CDK6: variants seen among roughly 807,000 people sequenced by gnomAD.
The protein encoded by CDK6 is cyclin-dependent kinase 6.
In CDK6, 6 loss-of-function variants were observed where a neutral mutation model predicts 37.1. The ratio of observed to expected loss-of-function variants is 0.16; its 90% CI spans 0.09 to 0.32. The LOEUF (loss-of-function observed/expected upper bound fraction) is 0.32, where lower values mean the gene tolerates loss of function less well. Among genes scored for constraint, CDK6 ranks in the 10% least tolerant of loss-of-function variants. CDK6 has a pLI of 1.00. For synonymous variants in CDK6, 160 were observed against 161.3 expected (o/e 0.99, Z 0.06); for missense variants, 224 against 418.9 (o/e 0.53, Z 4.06).
intron 3 of CDK6, among the ~76,000 whole-genome samples, chr7:92,761,270 T>C (rs1461724891): frequency 3.3e-5 from 5 of 152,162 alleles, no homozygotes; most frequent in Non-Finnish European, 5.9e-5. Flanking sequence ...ATTATATCAT[T>C]TAAAAAATTA....
chr7:92,715,105 T>C (rs1187692489), intron 4 of CDK6, among the ~76,000 whole-genome samples: 1 of 152,184 alleles, frequency 6.6e-6, no homozygotes, highest in African/African-American at 2.4e-5. Context: ...ATGCCAGCCA[T>C]GTATTTATAA....
At position 92,834,663 on chromosome 7, in the gene CDK6, C is replaced by A. The variant is rs1801598680; in HGVS notation, c.-367-973G>T. 7.0e-6 allele frequency among the ~76,000 whole-genome samples: 1 copy of A among 143,012 alleles called. No individual in the cohort carries two copies. The highest frequency in any genetic ancestry group is 1.5e-5 in the Non-Finnish European group (1 of 66,618). The allele number at this position is 143,012 out of a possible 152,430, so 93.8% of individuals were successfully genotyped here. On this transcript the variant is annotated intron_variant, in intron 1 of 7. Coordinates refer to ENST00000424848, the MANE Select transcript of CDK6 (RefSeq NM_001145306.2). The surrounding 1 kb of genome is among the most constrained non-coding windows in gnomAD (Gnocchi z 4.6). ...TGATTTCGACCTGAGCAAAACTCAA[C>A]CTCCCTTTCAAAGGGTGGGGGGTGG...
At chr7:92,717,287 AG>A (rs1798250330) in intron 4 of CDK6, among the ~76,000 whole-genome samples, 1 of 151,976 alleles carries the variant, frequency 6.6e-6, no homozygotes. Flanking sequence ...GCCTGCACTA[AG>A]CTATGACTGT....
intron 2 of CDK6, among the ~76,000 whole-genome samples, chr7:92,781,804 C>A (rs564280101): frequency 6.6e-6 from 1 of 152,084 alleles, no homozygotes; most frequent in Non-Finnish European, 1.5e-5. Context: ...TATTTGGAAT[C>A]GAGAAGAATT....
chr7:92,797,654 TA>T (rs1044134122), intron 2 of CDK6, among the ~76,000 whole-genome samples: 8 of 152,214 alleles, frequency 5.3e-5, no homozygotes, highest in African/African-American at 1.9e-4. Context: ...ATTTTGACTT[TA>T]ACTCCTACAA....
At chr7:92,667,259 A>G (rs1184908282) in intron 5 of CDK6, among the ~76,000 whole-genome samples, 1 of 152,176 alleles carries the variant, frequency 6.6e-6, no homozygotes, top group African/African-American at 2.4e-5. Context: ...GTGTAGTGGC[A>G]TGATCCTAGC....
intron 5 of CDK6, among the ~76,000 whole-genome samples, chr7:92,647,859 C>T (rs2116550978): frequency 6.6e-6 from 1 of 152,174 alleles, no homozygotes; most frequent in South Asian, 2.1e-4. Context: ...CTGCATGGGC[C>T]CTTTGTATTT....
rs746741500 is a variant in CDK6, at chr7:92,770,319, CTTTT to C, written c.369+4373_369+4376del. On this transcript the variant is annotated intron_variant, in intron 3 of 7. Coordinates refer to ENST00000424848, the MANE Select transcript of CDK6 (RefSeq NM_001145306.2). Reference sequence around the variant, plus strand: ...AGTATGAATGTGATTTCTATGTATGCTTTTTTTTTTTTTTTTTTTTTTTAGAATA... The same window carrying C: ...AGTATGAATGTGATTTCTATGTATGCTTTTTTTTTTTTTTTTTTTAGAATA... Among the ~76,000 whole-genome samples, 254 of 90,930 alleles carry C rather than the reference CTTTT, an allele frequency of 2.8e-3. 1 individual carries two copies. The highest frequency in any genetic ancestry group is 9.9e-3 in the African/African-American group (241 of 24,406). 59.7% of individuals were successfully genotyped at this position (90,930 alleles called of 152,430 possible). A position where few individuals can be genotyped will look rare whatever the true frequency, so the allele number is the denominator to read the frequency against.
At position 92,614,354 on chromosome 7, in the gene CDK6, TG is replaced by T. The variant is rs60102070; in HGVS notation, c.*785del. 0.053 allele frequency: 12,345 copies of T among 232,858 alleles called. 1,461 individuals are homozygous for T. Among genetic ancestry groups the T allele is most frequent in the African/African-American group, 0.25 (11,339 of 45,304 alleles). 14.4% of individuals were successfully genotyped at this position (232,858 alleles called of 1,614,324 possible). A position where few individuals can be genotyped will look rare whatever the true frequency, so the allele number is the denominator to read the frequency against. ...ATTTTCCAAAAGAAATGATAAAGCA[TG>T]ATGTCATACAGAAGGTTAAAATAGA... On this transcript the variant is annotated 3_prime_UTR_variant, in exon 8 of 8. Transcript: ENST00000424848.
chr7:92,624,201 G>T (rs576569324), intron 5 of CDK6, among the ~76,000 whole-genome samples: 2 of 152,234 alleles, frequency 1.3e-5, no homozygotes, highest in African/African-American at 4.8e-5. Flanking sequence ...CAGTGGAAAA[G>T]AATTTACTTA....
At chr7:92,729,729 G>A (rs548417706) in intron 3 of CDK6, among the ~76,000 whole-genome samples, 1 of 152,274 alleles carries the variant, frequency 6.6e-6, no homozygotes, top group East Asian at 1.9e-4. Context: ...GGAAAAGGTT[G>A]ATCATGGGGC....
In CDK6 at chr7:92,607,022, C is replaced by T; in HGVS notation, c.*8118G>A. On this transcript the variant is annotated 3_prime_UTR_variant, in exon 8 of 8. Coordinates refer to ENST00000424848, the MANE Select transcript of CDK6 (RefSeq NM_001145306.2). Reference sequence around the variant, plus strand: ...TTTATAATAAATTATACAGGCAATCCTTGCTTTTTATTACCACACTGGATT... The same window carrying T: ...TTTATAATAAATTATACAGGCAATCTTTGCTTTTTATTACCACACTGGATT... 1 of 233,084 alleles carries T rather than the reference C, an allele frequency of 4.3e-6. No homozygotes were observed. The highest frequency in any genetic ancestry group is 2.2e-5 in the African/African-American group (1 of 45,276). 14.4% of individuals were successfully genotyped at this position (233,084 alleles called of 1,614,324 possible).
At chr7:92,667,149 C>T (rs750414279) in intron 5 of CDK6, among the ~76,000 whole-genome samples, 1 of 151,864 alleles carries the variant, frequency 6.6e-6, no homozygotes, top group Non-Finnish European at 1.5e-5. Context: ...AATAAAAAAG[C>T]TTATAGAATG....
chr7:92,618,029 T>G, intron 7 of CDK6, 43 bp downstream of exon 7: 1 of 1,603,152 alleles, frequency 6.2e-7, no homozygotes, highest in Non-Finnish European at 8.5e-7. Flanking sequence ...AGCAGGTGTC[T>G]CACTGGCACA....
At chr7:92,656,395 G>T (rs1796700296) in intron 5 of CDK6, among the ~76,000 whole-genome samples, 1 of 152,062 alleles carries the variant, frequency 6.6e-6, no homozygotes, top group Non-Finnish European at 1.5e-5. Flanking sequence ...TACTTGGTTT[G>T]TCACTACCCC....
intron 2 of CDK6, among the ~76,000 whole-genome samples, chr7:92,775,710 C>G (rs1799832772): frequency 6.6e-6 from 1 of 151,830 alleles, no homozygotes; most frequent in South Asian, 2.1e-4. Flanking sequence ...ATTAAACTAC[C>G]CATAAACAAG....
Position 92,791,857 on chromosome 7 carries a change from C to T in CDK6, c.234-17026G>A, listed in dbSNP as rs183107650. Among the ~76,000 whole-genome samples, 9 of 152,072 alleles carry T rather than the reference C, an allele frequency of 5.9e-5. No homozygotes were observed. The East Asian group carries it at 7.7e-4, about 13-fold the overall frequency. On this transcript the variant is annotated intron_variant, in intron 2 of 7. Coordinates refer to ENST00000424848, the MANE Select transcript of CDK6 (RefSeq NM_001145306.2). ...ATTTGGGGAATTGCGGATAGTCTGGCATGATTTGGTGATTATCTTGGAAAA... is the reference window on the plus strand; with the variant it reads ...ATTTGGGGAATTGCGGATAGTCTGGTATGATTTGGTGATTATCTTGGAAAA...
chr7:92,653,222 C>T (rs73710427), intron 5 of CDK6, among the ~76,000 whole-genome samples: 266 of 152,308 alleles, frequency 1.7e-3, no homozygotes, highest in African/African-American at 5.8e-3. Context: ...CACCTTGTAG[C>T]ACAACACTGA....
chr7:92,831,893 G>A (rs1437702417), intron 2 of CDK6, among the ~76,000 whole-genome samples: 1 of 152,130 alleles, frequency 6.6e-6, no homozygotes, highest in Non-Finnish European at 1.5e-5. Context: ...GTATTTCAAA[G>A]GTCAGTCTTG....
Sources: gnomAD v4.1 joint callset for allele counts (sites outside exome capture counted in the v4.1 genomes callset) on GRCh38, gnomAD v4.1.1 for gene constraint, Gnocchi (gnomAD v3.1) non-coding constraint, MANE v1.5 for transcripts, NCBI Gene and HGNC (gene_info 2026-07-23, HGNC 2026-07-21) for gene names.